The following IL33 variants were observed in gnomAD, a reference collection of about 807,000 sequenced individuals.
IL33 encodes the protein interleukin-33.
A neutral mutation model predicts 27.3 loss-of-function variants in IL33; 37 were observed. The ratio of observed to expected loss-of-function variants is 1.36; its 90% CI spans 1.04 to 1.78. The LOEUF (loss-of-function observed/expected upper bound fraction) is 1.78, where lower values mean the gene tolerates loss of function less well. Ranked by LOEUF, IL33 falls within the 40% of genes most tolerant of loss-of-function variation. The pLI is 0.00. For synonymous variants in IL33, 132 were observed against 102.9 expected, an observed-to-expected ratio of 1.28 and a Z score of -1.71; for missense variants, 406 against 311.4, an observed-to-expected ratio of 1.30 and a Z score of -2.29.
intron 2 of IL33, among the ~76,000 whole-genome samples, chr9:6,245,655 G>A (rs961779886): frequency 6.6e-6 from 1 of 152,082 alleles, no homozygotes; most frequent in Non-Finnish European, 1.5e-5. Context: ...AGAGAGGACG[G>A]ACTAGATTTC....
At chr9:6,227,260 A>G (rs540321339) in intron 1 of IL33, among the ~76,000 whole-genome samples, 5 of 152,252 alleles carry the variant, frequency 3.3e-5, no homozygotes, top group African/African-American at 9.6e-5. Context: ...ACATATCCTA[A>G]GCTTTATCTC....
At chr9:6,226,844 C>T (rs536483387) in intron 1 of IL33, among the ~76,000 whole-genome samples, 1 of 152,336 alleles carries the variant, frequency 6.6e-6, no homozygotes, top group African/African-American at 2.4e-5. Flanking sequence ...TTCTCGTTTG[C>T]TTTGCAAATT....
chr9:6,253,153 T>C (rs1816508810), intron 5 of IL33, among the ~76,000 whole-genome samples, 162 bp downstream of exon 5: 1 of 152,208 alleles, frequency 6.6e-6, no homozygotes, highest in Non-Finnish European at 1.5e-5. Context: ...CTGAATCCAC[T>C]TCTATGTCAA....
chr9:6,220,106 A>G (rs941989883), intron 1 of IL33, among the ~76,000 whole-genome samples: 1 of 152,224 alleles, frequency 6.6e-6, no homozygotes, highest in Non-Finnish European at 1.5e-5. Context: ...GCCCTAGGGA[A>G]AGAGTTCCTG....
chr9:6,250,565 G>A lies in IL33; in HGVS notation c.183G>A (p.Arg61=). 3.1e-6 allele frequency: 5 copies of A among 1,613,962 alleles called. No individual in the cohort carries two copies. Among genetic ancestry groups the A allele is most frequent in the Non-Finnish European group, 4.2e-6 (5 of 1,179,910 alleles). ...TAAAAAAGGAGGCCTGTTACTTTAG[G>A]AGAGAAACCACCAAAAGGCCTTCAC... ...LMIKKEACYF[R]RETTKRPSLK... The change falls in exon 3 of 8, where the codon AGG becomes AGA. Residue 61 remains arginine, a synonymous_variant. Transcript: ENST00000682010.
chr9:6,233,507 G>T (rs1350517495), intron 1 of IL33, among the ~76,000 whole-genome samples: 1 of 151,910 alleles, frequency 6.6e-6, no homozygotes, highest in African/African-American at 2.4e-5. Context: ...CTTTCTTTCT[G>T]CATTGAAGCA....
chr9:6,238,256 A>G (rs1238622620), intron 1 of IL33, among the ~76,000 whole-genome samples: 5 of 152,188 alleles, frequency 3.3e-5, no homozygotes, highest in Non-Finnish European at 7.4e-5. Flanking sequence ...ACTCATCTGT[A>G]AAGTTAGGGG....
chr9:6,249,883 C>G (rs991864065), intron 2 of IL33, among the ~76,000 whole-genome samples: 1 of 152,132 alleles, frequency 6.6e-6, no homozygotes, highest in Admixed American at 6.5e-5. Flanking sequence ...AGACACTTAG[C>G]AAATGGTAGT....
At chr9:6,234,125 T>C (rs7022391) in intron 1 of IL33, among the ~76,000 whole-genome samples, 139,349 of 152,106 alleles carry the variant, frequency 0.92, 64,072 homozygotes, top group East Asian at 1. Context: ...TGTTAGATAT[T>C]CCAGAGTTTC....
In IL33 at chr9:6,239,424, C is replaced by A. The variant is rs1819405787; in HGVS notation, c.-11-2260C>A. 2.0e-5 allele frequency among the ~76,000 whole-genome samples: 3 copies of A among 152,086 alleles called. 1 individual carries two copies. Among genetic ancestry groups the A allele is most frequent in the Admixed American group, 2.0e-4 (3 of 15,274 alleles). ...AACATGAAGTAACTTAGGCTACGAG[C>A]CCACATGCACACTGGAAGGACAGCG... On this transcript the variant is annotated intron_variant, in intron 1 of 7. Coordinates refer to ENST00000682010, the MANE Select transcript of IL33 (RefSeq NM_033439.4).
chr9:6,235,752 A>C (rs868535697), intron 1 of IL33, among the ~76,000 whole-genome samples: 27 of 152,158 alleles, frequency 1.8e-4, no homozygotes, highest in African/African-American at 5.8e-4. Context: ...ACTATCAGAT[A>C]GTTTACACTC....
chr9:6,243,155 C>G (rs1819630076), intron 2 of IL33, among the ~76,000 whole-genome samples: 1 of 152,102 alleles, frequency 6.6e-6, no homozygotes, highest in Non-Finnish European at 1.5e-5. Context: ...TTGGTGGGAC[C>G]AAACCAACCA....
chr9:6,221,519 C>T (rs746542869), intron 1 of IL33, among the ~76,000 whole-genome samples: 25 of 152,184 alleles, frequency 1.6e-4, no homozygotes, highest in Non-Finnish European at 3.1e-4. Context: ...AGGTCATTTG[C>T]ACTGTGATGT....
intron 1 of IL33, among the ~76,000 whole-genome samples, chr9:6,223,390 G>A (rs1181075344): frequency 6.6e-6 from 1 of 151,500 alleles, no homozygotes; most frequent in Non-Finnish European, 1.5e-5. Context: ...TTTTAAAAGA[G>A]TACCTCAAAG....
At chr9:6,236,606 G>T (rs937259531) in intron 1 of IL33, among the ~76,000 whole-genome samples, 5 of 152,196 alleles carry the variant, frequency 3.3e-5, no homozygotes, top group Non-Finnish European at 7.3e-5. Flanking sequence ...AGTGGCTCAC[G>T]CCTGTAATCC....
chr9:6,230,481 A>G (rs1033485081), intron 1 of IL33, among the ~76,000 whole-genome samples: 7 of 152,016 alleles, frequency 4.6e-5, no homozygotes, highest in African/African-American at 7.3e-5. Context: ...ATGTATTCTA[A>G]TCTCCCTTAA....
In IL33 at chr9:6,256,391, A is replaced by C. The variant is rs1816733114; in HGVS notation, c.*223A>C. 1 of 543,244 alleles carries C rather than the reference A, an allele frequency of 1.8e-6. No homozygotes were observed. The highest frequency in any genetic ancestry group is 3.2e-6 in the Non-Finnish European group (1 of 310,942). The allele number at this position is 543,244 out of a possible 1,614,324, so 33.7% of individuals were successfully genotyped here. ...TCTTCAATACAAGTATCAGTATATTAAATAGGGTATTGGTAAAGAAACGGT... is the reference window on the plus strand; with the variant it reads ...TCTTCAATACAAGTATCAGTATATTCAATAGGGTATTGGTAAAGAAACGGT... On this transcript the variant is annotated 3_prime_UTR_variant, in exon 8 of 8. Coordinates refer to ENST00000682010, the MANE Select transcript of IL33 (RefSeq NM_033439.4).
chr9:6,256,494 A>C lies in IL33; in HGVS notation c.*326A>C, dbSNP rs1816739784. 2.5e-6 allele frequency: 1 copy of C among 407,924 alleles called. No homozygotes were observed. The highest frequency in any genetic ancestry group is 4.3e-6 in the Non-Finnish European group (1 of 230,604). The allele number at this position is 407,924 out of a possible 1,614,324, so 25.3% of individuals were successfully genotyped here. A position where few individuals can be genotyped will look rare whatever the true frequency, so the allele number is the denominator to read the frequency against. On this transcript the variant is annotated 3_prime_UTR_variant, in exon 8 of 8. Coordinates refer to ENST00000682010, the MANE Select transcript of IL33 (RefSeq NM_033439.4). ...AGAAAGAACTTCATATTTAGAGCTA[A>C]GGCCACTGAGGAAAGAGCCATAGCT...
chr9:6,238,685 G>A (rs1333310525), intron 1 of IL33, among the ~76,000 whole-genome samples: 2 of 152,140 alleles, frequency 1.3e-5, no homozygotes, highest in African/African-American at 4.8e-5. Flanking sequence ...AACCACTGCT[G>A]GGATAATTTG....
Sources: gnomAD v4.1 joint callset for allele counts (sites outside exome capture counted in the v4.1 genomes callset) on GRCh38, gnomAD v4.1.1 for gene constraint, MANE v1.5 for transcripts, NCBI Gene and HGNC (gene_info 2026-07-23, HGNC 2026-07-21) for gene names.